DPH5: variants seen among roughly 807,000 people sequenced by gnomAD.
DPH5 encodes diphthine methyl ester synthase.
DPH5 carries 31 observed loss-of-function variants against 31.6 expected under a neutral mutation model. The observed-to-expected ratio is 0.98, with a 90% CI of 0.74 to 1.32. The LOEUF (loss-of-function observed/expected upper bound fraction) is 1.32. Among genes scored for constraint, DPH5 ranks in the 40% most tolerant of loss-of-function variants. The pLI, the probability that DPH5 is intolerant of heterozygous loss-of-function variation, is 0.00. For synonymous variants in DPH5, 120 were observed against 115.0 expected (o/e 1.04, Z -0.28); for missense variants, 309 against 335.7 (o/e 0.92, Z 0.62).
At chr1:101,020,537 C>T (rs1660372703) in intron 3 of DPH5, among the ~76,000 whole-genome samples, 1 of 151,860 alleles carries the variant, frequency 6.6e-6, no homozygotes, top group Non-Finnish European at 1.5e-5. Context: ...ATTCCTCCAG[C>T]TTTAAACACC....
chr1:100,991,944 C>T (rs1438339266), intron 7 of DPH5, among the ~76,000 whole-genome samples: 1 of 151,368 alleles, frequency 6.6e-6, no homozygotes, highest in Non-Finnish European at 1.5e-5. Flanking sequence ...CTGTCTCTAC[C>T]AAAAACACAC....
At chr1:100,995,075 A>C (rs1211318996) in intron 6 of DPH5, 35 bp downstream of exon 6, 5 of 1,477,184 alleles carry the variant, frequency 3.4e-6, no homozygotes, top group Non-Finnish European at 4.7e-6. Flanking sequence ...CAAGGAAATA[A>C]AACACATGTA....
At chr1:101,008,802 C>T (rs1659428207) in intron 4 of DPH5, among the ~76,000 whole-genome samples, 1 of 152,226 alleles carries the variant, frequency 6.6e-6, no homozygotes, top group Non-Finnish European at 1.5e-5. Flanking sequence ...TTTTTAACCA[C>T]TTTACTGCAT....
At chr1:101,017,119 G>A (rs1422277123) in intron 3 of DPH5, among the ~76,000 whole-genome samples, 3 of 152,120 alleles carry the variant, frequency 2.0e-5, no homozygotes, top group Non-Finnish European at 4.4e-5. Flanking sequence ...ACAGAGACAG[G>A]AAGTGAGAAC....
At chr1:101,024,684 C>T (rs889307147) in intron 2 of DPH5, among the ~76,000 whole-genome samples, 5 of 152,204 alleles carry the variant, frequency 3.3e-5, no homozygotes, top group Non-Finnish European at 5.9e-5. Context: ...TTACTGGGCC[C>T]TTATGAGGGC....
chr1:101,022,147 A>G (rs992578039), intron 2 of DPH5, among the ~76,000 whole-genome samples: 11 of 152,234 alleles, frequency 7.2e-5, no homozygotes, highest in African/African-American at 2.7e-4. Context: ...TAAATATATT[A>G]AACAATAAGT....
intron 5 of DPH5, among the ~76,000 whole-genome samples, chr1:100,998,968 T>C (rs1235630519): frequency 1.3e-5 from 2 of 152,188 alleles, no homozygotes; most frequent in African/African-American, 4.8e-5. Flanking sequence ...TCACTGCTGT[T>C]GTGGCATGAA....
intron 2 of DPH5, 82 bp from the exon 3 acceptor site, chr1:101,021,847 CACACA>C: frequency 7.6e-7 from 1 of 1,322,900 alleles, no homozygotes; most frequent in Non-Finnish European, 1.0e-6. Flanking sequence ...CACACACACA[CACACA>C]CACACACTCT....
chr1:100,992,204 T>C (rs1657815660), intron 7 of DPH5, among the ~76,000 whole-genome samples: 1 of 152,152 alleles, frequency 6.6e-6, no homozygotes, highest in African/African-American at 2.4e-5. Context: ...AAATTTTCTC[T>C]TATATTTACC....
chr1:101,004,243 T>G (rs1228986482), intron 4 of DPH5, among the ~76,000 whole-genome samples: 1 of 152,194 alleles, frequency 6.6e-6, no homozygotes, highest in Non-Finnish European at 1.5e-5. Context: ...AATTTCACCA[T>G]ATGTCAATAC....
At chr1:101,019,460 C>G (rs1660302968) in intron 3 of DPH5, among the ~76,000 whole-genome samples, 1 of 151,932 alleles carries the variant, frequency 6.6e-6, no homozygotes, top group African/African-American at 2.4e-5. Flanking sequence ...TGTCATTTTA[C>G]CATTTTAAAA....
chr1:100,998,085 A>G (rs1426374130), intron 5 of DPH5, among the ~76,000 whole-genome samples: 7 of 152,234 alleles, frequency 4.6e-5, no homozygotes, highest in Admixed American at 4.6e-4. Flanking sequence ...TGAAGCACTA[A>G]ATCACACTGG....
rs879703944 is a variant in DPH5, at chr1:101,025,163, T to C, written c.135+146A>G. 4.0e-6 allele frequency: 4 copies of C among 1,002,210 alleles called. No individual in the cohort carries two copies. In the African/African-American group the frequency reaches 4.9e-5, roughly 12 times the overall value. The allele number at this position is 1,002,210 out of a possible 1,614,324, so 62.1% of individuals were successfully genotyped here. On this transcript the variant is annotated intron_variant, in intron 2 of 7. Coordinates refer to ENST00000370109, the MANE Select transcript of DPH5 (RefSeq NM_015958.3). ...CTTGGTTGGTGTAAAATTTCCATTC[T>C]TCTGCTCCTCAGATCATTAATGAAC...
intron 6 of DPH5, 132 bp from the exon 7 acceptor site, chr1:100,992,872 T>G (rs1657902918): frequency 3.6e-6 from 2 of 558,866 alleles, no homozygotes; most frequent in Non-Finnish European, 6.4e-6. Flanking sequence ...TTACATGTAC[T>G]CACTTTAAGC....
chr1:101,004,496 C>T (rs985654004), intron 4 of DPH5, among the ~76,000 whole-genome samples: 1 of 152,116 alleles, frequency 6.6e-6, no homozygotes, highest in African/African-American at 2.4e-5. Flanking sequence ...TAGGTAAACA[C>T]AGGCCTTTTT....
At chr1:100,996,760 A>G (rs1361480109) in intron 5 of DPH5, among the ~76,000 whole-genome samples, 2 of 152,200 alleles carry the variant, frequency 1.3e-5, no homozygotes, top group Non-Finnish European at 2.9e-5. Flanking sequence ...AATTAATGCT[A>G]TCTTTTATTA....
chr1:101,021,554 G>A (rs1660443764), intron 3 of DPH5, 87 bp downstream of exon 3: 2 of 1,373,396 alleles, frequency 1.5e-6, no homozygotes, highest in Non-Finnish European at 2.0e-6. Flanking sequence ...GACCTGGCAG[G>A]TAAAAGTGTT....
In DPH5 at chr1:100,990,371, GC is replaced by G. The variant is rs770198231; in HGVS notation, c.*36del. ...TCCAAACCATATCAATCCATATATG[GC>G]TGAAATTTACATCAGACAATGGTAA... On this transcript the variant is annotated 3_prime_UTR_variant, in exon 8 of 8. Transcript: ENST00000370109. The G allele has an allele frequency of 6.3e-7, 1 of 1,588,954 alleles. No homozygotes were observed. Among genetic ancestry groups the G allele is most frequent in the Admixed American group, 1.7e-5 (1 of 59,966 alleles).
At chr1:100,993,639 C>T (rs1461176863) in intron 6 of DPH5, among the ~76,000 whole-genome samples, 1 of 133,628 alleles carries the variant, frequency 7.5e-6, no homozygotes, top group Non-Finnish European at 1.6e-5. Context: ...GATTATTTTA[C>T]TGACTCTCAA....
Sources: allele counts gnomAD v4.1 joint callset (sites outside exome capture counted in the v4.1 genomes callset), GRCh38; gene constraint gnomAD v4.1.1; transcripts MANE v1.5; gene names NCBI Gene and HGNC (gene_info 2026-07-23, HGNC 2026-07-21).